Variants in BLK observed in about 807,000 individuals in gnomAD.
BLK encodes the protein BLK proto-oncogene, Src family tyrosine kinase.
A neutral mutation model predicts 61.8 loss-of-function variants in BLK; 64 were observed. That is an observed-to-expected ratio of 1.03 (90% CI 0.85 to 1.27). The LOEUF (loss-of-function observed/expected upper bound fraction) is 1.27, where lower values mean the gene tolerates loss of function less well. Among genes scored for constraint, BLK ranks in the 50% most tolerant of loss-of-function variants. The pLI is 0.00. For missense variants in BLK, 853 were observed against 660.5 expected (o/e 1.29, Z -3.19); for synonymous variants, 351 against 272.0 (o/e 1.29, Z -2.86).
intron 10 of BLK, among the ~76,000 whole-genome samples, chr8:11,559,290 TACAC>T (rs985559799): frequency 6.6e-6 from 1 of 150,934 alleles, no homozygotes; most frequent in Non-Finnish European, 1.5e-5. Flanking sequence ...AGCACACATG[TACAC>T]ACACACACTC....
intron 1 of BLK, chr8:11,509,307 C>G (rs1440505762): frequency 2.0e-5 from 3 of 152,186 alleles, no homozygotes; most frequent in Non-Finnish European, 2.9e-5. Flanking sequence ...GCTTGGCAGC[C>G]CAGGGACTTT....
At chr8:11,503,997 C>T (rs1237843286) in intron 1 of BLK, among the ~76,000 whole-genome samples, 1 of 152,192 alleles carries the variant, frequency 6.6e-6, no homozygotes, top group Non-Finnish European at 1.5e-5. Context: ...GTCTCCCCAG[C>T]CTTTCTTGGA....
At position 11,559,521 on chromosome 8, in the gene BLK, A is replaced by G. The variant is rs373580258; in HGVS notation, c.1029+1483A>G. Among the ~76,000 whole-genome samples the G allele has an allele frequency of 4.3e-5, 6 of 141,118 alleles. No individual in the cohort carries two copies. The East Asian group carries it at 5.8e-4, about 14-fold the overall frequency. The allele number at this position is 141,118 out of a possible 152,430, so 92.6% of individuals were successfully genotyped here. On this transcript the variant is annotated intron_variant, in intron 10 of 12. Coordinates refer to ENST00000259089, the MANE Select transcript of BLK (RefSeq NM_001715.3). ...CAAACTCACAAACTCACACACACAA[A>G]CACACACACAAACACGCAAACTTAC...
intron 4 of BLK, 85 bp from the exon 5 acceptor site, chr8:11,548,939 G>A: frequency 1.6e-6 from 2 of 1,219,518 alleles, no homozygotes; most frequent in South Asian, 2.6e-5. Flanking sequence ...TCCAGGGAGA[G>A]ATGACTTTGA....
chr8:11,505,454 T>C (rs529353725), intron 1 of BLK, among the ~76,000 whole-genome samples: 2 of 152,244 alleles, frequency 1.3e-5, no homozygotes, highest in South Asian at 2.1e-4. Context: ...CATAACTCAA[T>C]GCAGGGCCAA....
chr8:11,556,969 G>A (rs1801268635), intron 9 of BLK, 132 bp downstream of exon 9: 2 of 880,086 alleles, frequency 2.3e-6, no homozygotes, highest in South Asian at 1.6e-5. Context: ...CACGGTGTGG[G>A]GACAGGGAGG....
chr8:11,552,171 T>C (rs997871966), intron 6 of BLK, among the ~76,000 whole-genome samples: 9 of 152,278 alleles, frequency 5.9e-5, no homozygotes, highest in African/African-American at 2.2e-4. Context: ...ATTGGTTCCA[T>C]CTGTGGCTCA....
chr8:11,523,456 G>A (rs559630544), intron 1 of BLK, among the ~76,000 whole-genome samples: 1 of 152,136 alleles, frequency 6.6e-6, no homozygotes, highest in Non-Finnish European at 1.5e-5. Context: ...GGGAGGCTGA[G>A]GCAGGAGAAT....
At chr8:11,518,215 C>T (rs188253809) in intron 1 of BLK, among the ~76,000 whole-genome samples, 40 of 152,324 alleles carry the variant, frequency 2.6e-4, no homozygotes, top group Admixed American at 7.2e-4. Context: ...CCCCACAAAG[C>T]ATGGACTCTC....
chr8:11,557,522 G>A (rs1801291665), intron 9 of BLK, among the ~76,000 whole-genome samples: 1 of 152,178 alleles, frequency 6.6e-6, no homozygotes, highest in Admixed American at 6.5e-5. Context: ...ACCAAACCTG[G>A]GGGACAGTTC....
chr8:11,556,111 T>C (rs1332254938), intron 8 of BLK: 1 of 224,370 alleles, frequency 4.5e-6, no homozygotes, highest in Admixed American at 5.2e-5. Flanking sequence ...TGTACCCAGG[T>C]CCCTGCCAAG....
chr8:11,531,505 T>A (rs928956117), intron 1 of BLK, among the ~76,000 whole-genome samples: 11 of 152,328 alleles, frequency 7.2e-5, no homozygotes, highest in African/African-American at 2.6e-4. Context: ...TTAAAGCAGC[T>A]TTTAAGATTG....
chr8:11,496,984 G>A (rs1226240285), intron 1 of BLK, among the ~76,000 whole-genome samples: 1 of 152,058 alleles, frequency 6.6e-6, no homozygotes, highest in Non-Finnish European at 1.5e-5. Context: ...CCAGCATCCT[G>A]GCTTGCAGGG....
intron 6 of BLK, among the ~76,000 whole-genome samples, chr8:11,553,737 C>T (rs1801033458): frequency 6.6e-6 from 1 of 152,122 alleles, no homozygotes; most frequent in Non-Finnish European, 1.5e-5. Context: ...GGGGCTGTGG[C>T]AACAGCATGG....
chr8:11,551,402 CTCT>C (rs1336819505), intron 6 of BLK, among the ~76,000 whole-genome samples: 2 of 152,224 alleles, frequency 1.3e-5, no homozygotes, highest in Admixed American at 1.3e-4. Flanking sequence ...GTGTCCTAAT[CTCT>C]TCTTGTAAGG....
intron 1 of BLK, among the ~76,000 whole-genome samples, chr8:11,519,770 T>A (rs930380855): frequency 2.4e-4 from 37 of 152,320 alleles, no homozygotes; most frequent in African/African-American, 7.7e-4. Flanking sequence ...AATGTGAGGA[T>A]TTGAATCCAG....
At chr8:11,513,825 C>T (rs980019734) in intron 1 of BLK, among the ~76,000 whole-genome samples, 2 of 152,178 alleles carry the variant, frequency 1.3e-5, no homozygotes, top group Non-Finnish European at 2.9e-5. Context: ...ACACCACCGC[C>T]GCGCACTGCA....
At chr8:11,558,123 T>C in intron 10 of BLK, 85 bp downstream of exon 10, 1 of 1,368,636 alleles carries the variant, frequency 7.3e-7, no homozygotes, top group South Asian at 1.2e-5. Context: ...CACCCCATCC[T>C]CTCAGCCAGC....
intron 1 of BLK, among the ~76,000 whole-genome samples, chr8:11,531,564 T>A (rs1051328383): frequency 6.6e-6 from 1 of 152,192 alleles, no homozygotes; most frequent in African/African-American, 2.4e-5. Context: ...TGTACCTTGG[T>A]GTGGTTTTCT....
Sources: allele counts gnomAD v4.1 joint callset (sites outside exome capture counted in the v4.1 genomes callset), GRCh38; gene constraint gnomAD v4.1.1; transcripts MANE v1.5; gene names NCBI Gene and HGNC (gene_info 2026-07-23, HGNC 2026-07-21).